PDE4D: variants seen among roughly 807,000 people sequenced by gnomAD.
PDE4D encodes 3',5'-cyclic-AMP phosphodiesterase 4D.
A neutral mutation model predicts 87.4 loss-of-function variants in PDE4D; 24 were observed. That is an observed-to-expected ratio of 0.27 (90% CI 0.20 to 0.39). The LOEUF (loss-of-function observed/expected upper bound fraction) is 0.39. Among genes scored for constraint, PDE4D ranks in the 10% least tolerant of loss-of-function variants. The pLI is 1.00. For synonymous variants in PDE4D, 384 were observed against 383.2 expected (o/e 1.00, Z -0.02); for missense variants, 714 against 1,041.0 (o/e 0.69, Z 4.32).
rs74910096 is a variant in PDE4D, at chr5:59,794,233, A to G, written c.455+98935T>C. Reference sequence around the variant, plus strand: ...TTCAACAAGCCCTGCAGTTGGCTTCATCTTTATATTCAGAACTTGTTTTTT... The same window carrying G: ...TTCAACAAGCCCTGCAGTTGGCTTCGTCTTTATATTCAGAACTTGTTTTTT... On this transcript the variant is annotated intron_variant, in intron 1 of 14. Transcript: ENST00000340635. Among the ~76,000 whole-genome samples the G allele has an allele frequency of 6.9e-3, 1,054 of 152,188 alleles. 9 individuals are homozygous for G. The highest frequency in any genetic ancestry group is 0.01 in the Non-Finnish European group (708 of 68,004).
intron 3 of PDE4D, among the ~76,000 whole-genome samples, chr5:59,967,392 A>G (rs1760161102): frequency 6.6e-6 from 1 of 152,178 alleles, no homozygotes; most frequent in Non-Finnish European, 1.5e-5. Flanking sequence ...TTCACTATCT[A>G]CAGGGAACTT....
At chr5:58,981,512 CCTCTTATGTTATATAAGGGAATAAG>C (rs1561226322) in intron 11 of PDE4D, among the ~76,000 whole-genome samples, 1 of 7,004 alleles carries the variant, frequency 1.4e-4, no homozygotes, top group Non-Finnish European at 2.5e-4. Flanking sequence ...TAAGTTAATA[CCTCTTATGTTATATAAGGGAATAAG>C]AAAAAGAAAA....
chr5:60,319,304 C>T (rs1369823073), intron 1 of PDE4D, among the ~76,000 whole-genome samples: 7 of 152,300 alleles, frequency 4.6e-5, no homozygotes, highest in Non-Finnish European at 8.8e-5. Flanking sequence ...GCATTGGTCA[C>T]GTAGTTCTCA....
At chr5:59,764,238 G>A (rs939532670) in intron 1 of PDE4D, among the ~76,000 whole-genome samples, 6 of 152,020 alleles carry the variant, frequency 3.9e-5, no homozygotes, top group African/African-American at 1.5e-4. Context: ...TGCAGACCAA[G>A]GCTGGAATAA....
chr5:60,483,599 T>TA lies in PDE4D; in HGVS notation c.-90+4342dup, dbSNP rs559777123. Among the ~76,000 whole-genome samples the TA allele has an allele frequency of 3.2e-3, 476 of 151,028 alleles. 2 individuals carry two copies. The highest frequency in any genetic ancestry group is 0.01 in the African/African-American group (424 of 41,210). ...AATAAATAAATTCCTATTGAGAAGT[T>TA]AAAAAAAAACATTATTTCACTATAG... is the stretch of plus-strand genomic sequence containing the variant. On this transcript the variant is annotated intron_variant, in intron 1 of 16. Transcript: ENST00000502484.
At chr5:60,150,882 G>A (rs968600270) in intron 2 of PDE4D, among the ~76,000 whole-genome samples, 1 of 152,234 alleles carries the variant, frequency 6.6e-6, no homozygotes, top group Non-Finnish European at 1.5e-5. Flanking sequence ...CAGTAAAAAC[G>A]TGGGTATACT....
chr5:59,739,486 T>C (rs1011644), intron 1 of PDE4D, among the ~76,000 whole-genome samples: 99,234 of 152,094 alleles, frequency 0.65, 33,720 homozygotes, highest in African/African-American at 0.82. Context: ...AAGACACTAA[T>C]GTACAATTCA....
chr5:60,481,264 T>C (rs1280173708), intron 1 of PDE4D, among the ~76,000 whole-genome samples: 1 of 152,188 alleles, frequency 6.6e-6, no homozygotes, highest in Non-Finnish European at 1.5e-5. Flanking sequence ...ATGACTTTTA[T>C]TGAAACTGAT....
At chr5:59,012,131 T>C (rs563486774) in intron 6 of PDE4D, among the ~76,000 whole-genome samples, 2 of 152,246 alleles carry the variant, frequency 1.3e-5, no homozygotes, top group Admixed American at 6.5e-5. Context: ...CAGGCCTGCC[T>C]TACAAGAGCT....
chr5:59,224,122 CAAAAAAAA>C (rs762239197), intron 1 of PDE4D, among the ~76,000 whole-genome samples: 1 of 21,840 alleles, frequency 4.6e-5, no homozygotes, highest in East Asian at 1.6e-3. Flanking sequence ...CCTGTTTCTA[CAAAAAAAA>C]AAAAAAAAAA....
chr5:60,084,853 A>T (rs1774359681), intron 2 of PDE4D, among the ~76,000 whole-genome samples: 1 of 152,226 alleles, frequency 6.6e-6, no homozygotes, highest in African/African-American at 2.4e-5. Context: ...CTGCCCCATC[A>T]GCCAGATAAG....
chr5:59,133,560 A>C (rs1219697181), intron 5 of PDE4D, among the ~76,000 whole-genome samples: 1 of 152,152 alleles, frequency 6.6e-6, no homozygotes, highest in Non-Finnish European at 1.5e-5. Context: ...GATTCATTCT[A>C]ATTCTGCTAG....
chr5:59,794,008 C>T (rs1198319803), intron 1 of PDE4D, among the ~76,000 whole-genome samples: 2 of 152,126 alleles, frequency 1.3e-5, no homozygotes, highest in African/African-American at 4.8e-5. Context: ...GGACATTGCA[C>T]TCATGTGTAT....
chr5:59,573,005 G>A (rs984382054), intron 1 of PDE4D, among the ~76,000 whole-genome samples: 1 of 152,072 alleles, frequency 6.6e-6, no homozygotes, highest in Admixed American at 6.5e-5. Flanking sequence ...ATCATAAGTG[G>A]TGTGCTTCCC....
intron 1 of PDE4D, among the ~76,000 whole-genome samples, chr5:59,382,841 T>C (rs1732839733): frequency 6.6e-6 from 1 of 152,198 alleles, no homozygotes; most frequent in Non-Finnish European, 1.5e-5. Flanking sequence ...CCTCAGTATT[T>C]TCGCCTATAA....
intron 1 of PDE4D, among the ~76,000 whole-genome samples, chr5:60,193,562 C>T (rs558211903): frequency 7.0e-6 from 1 of 143,800 alleles, no homozygotes; most frequent in East Asian, 2.3e-4. Context: ...CCCAGCTACT[C>T]GGGAGGCTGA....
intron 1 of PDE4D, among the ~76,000 whole-genome samples, chr5:59,582,523 T>C (rs917403327): frequency 4.6e-5 from 7 of 152,184 alleles, no homozygotes; most frequent in Non-Finnish European, 5.9e-5. Context: ...CACATATACA[T>C]GCAAATTATG....
chr5:59,809,491 T>C (rs1195917023), intron 1 of PDE4D, among the ~76,000 whole-genome samples: 2 of 152,268 alleles, frequency 1.3e-5, no homozygotes, highest in Middle Eastern at 3.4e-3. Flanking sequence ...CTAGAATAAA[T>C]CATACCATTT....
rs149720936 is a variant in PDE4D at position 59,665,536 on chromosome 5, A to G, written c.455+227632T>C. Among the ~76,000 whole-genome samples the G allele has an allele frequency of 6.6e-5, 10 of 152,324 alleles. No individual in the cohort carries two copies. In the East Asian group the frequency reaches 1.9e-3, roughly 29 times the overall value. ...ATCTCTCCTCAGGTCCTCTACCAAA[A>G]TGTTATGATTGCTTTAATTTCCATA... On this transcript the variant is annotated intron_variant, in intron 1 of 14. Transcript: ENST00000340635.
Sources: allele counts gnomAD v4.1 joint callset (sites outside exome capture counted in the v4.1 genomes callset), GRCh38; gene constraint gnomAD v4.1.1; transcripts MANE v1.5; gene names NCBI Gene and HGNC (gene_info 2026-07-23, HGNC 2026-07-21).